Variants in ACBD5 observed in about 807,000 individuals in gnomAD.
ACBD5 encodes the protein acyl-CoA binding domain containing 5.
In ACBD5, 40 loss-of-function variants were observed where a neutral mutation model predicts 71.8. That is an observed-to-expected ratio of 0.56 (90% confidence interval 0.43 to 0.72). The LOEUF (loss-of-function observed/expected upper bound fraction) is 0.72. Among genes scored for constraint, ACBD5 ranks in the 30% least tolerant of loss-of-function variants. The pLI is 0.00. For synonymous variants in ACBD5, 229 were observed against 218.6 expected, an observed-to-expected ratio of 1.05 and a Z score of -0.42; for missense variants, 559 against 644.5, an observed-to-expected ratio of 0.87 and a Z score of 1.44.
intron 4 of ACBD5, among the ~76,000 whole-genome samples, chr10:27,228,791 TTATATA>T (rs1169917244): frequency 5.4e-3 from 120 of 22,130 alleles, no homozygotes; most frequent in African/African-American, 9.2e-3. Context: ...CCTATTATGT[TTATATA>T]TATATATATA....
At chr10:27,187,055 A>G (rs2058806019) in intron 13 of ACBD5, 1 of 180,450 alleles carries the variant, frequency 5.5e-6, no homozygotes, top group Admixed American at 5.6e-5. Flanking sequence ...TAATCCCAGC[A>G]CTGTGGGAGG....
intron 13 of ACBD5, among the ~76,000 whole-genome samples, chr10:27,184,214 AAAAT>A (rs2058499353): frequency 6.6e-6 from 1 of 152,192 alleles, no homozygotes. Flanking sequence ...ACTAGGAAGA[AAAAT>A]AAAGCAGGGT....
At chr10:27,188,246 T>TA (rs2058894827) in intron 13 of ACBD5, among the ~76,000 whole-genome samples, 1 of 152,216 alleles carries the variant, frequency 6.6e-6, no homozygotes, top group Non-Finnish European at 1.5e-5. Flanking sequence ...ATGTTCAAAA[T>TA]ACAGTTGTTC....
intron 8 of ACBD5, among the ~76,000 whole-genome samples, chr10:27,214,061 G>A (rs1403311331): frequency 6.6e-6 from 1 of 152,118 alleles, no homozygotes; most frequent in East Asian, 1.9e-4. Flanking sequence ...AAATAAGCCA[G>A]GCATAGAAAG....
rs545903323 is a variant in ACBD5 at position 27,203,734 on chromosome 10, T to G, written c.1565+706A>C. On this transcript the variant is annotated intron_variant, in intron 12 of 12. Transcript: ENST00000396271. ...AGCCTGGGCAACAAAAGCAAAACTC[T>G]GTCTCAAAAAAATAAATTAATAAAA... 2.1e-3 allele frequency among the ~76,000 whole-genome samples: 317 copies of G among 151,402 alleles called. 2 individuals are homozygous for G. Among genetic ancestry groups the G allele is most frequent in the African/African-American group, 7.0e-3 (288 of 41,244 alleles).
chr10:27,229,848 T>G (rs984768529), intron 4 of ACBD5, among the ~76,000 whole-genome samples: 1 of 152,208 alleles, frequency 6.6e-6, no homozygotes, highest in African/African-American at 2.4e-5. Context: ...AATGAAATTT[T>G]TAAAGTGTGA....
intron 9 of ACBD5, among the ~76,000 whole-genome samples, chr10:27,208,762 C>T (rs2136985144): frequency 6.6e-6 from 1 of 152,168 alleles, no homozygotes; most frequent in Middle Eastern, 3.4e-3. Context: ...TGTTTGAACC[C>T]TGGAGGCGGT....
Position 27,189,765 on chromosome 10 carries a change from T to TAAA in ACBD5, c.1494-7053_1494-7051dup, listed in dbSNP as rs926529859. Among the ~76,000 whole-genome samples, 234 of 72,256 alleles carry TAAA rather than the reference T, an allele frequency of 3.2e-3. 3 individuals are homozygous for TAAA. The South Asian group carries it at 0.042, about 13-fold the overall frequency. The allele number at this position is 72,256 out of a possible 152,430, so 47.4% of individuals were successfully genotyped here. On this transcript the variant is annotated intron_variant, in intron 13 of 13. Transcript: ENST00000676511. ...ATGTACCCTAGAACTTAAAGTATAATAAAAATATATATATATATATATAAA... is the reference window on the plus strand; with the variant it reads ...ATGTACCCTAGAACTTAAAGTATAATAAAAAAAATATATATATATATATATAAA...
At chr10:27,241,291 G>A (rs1274379088), upstream of ACBD5, among the ~76,000 whole-genome samples, 1 of 152,194 alleles carries the variant, frequency 6.6e-6, no homozygotes, top group African/African-American at 2.4e-5. Context: ...TGTGACCTAG[G>A]GCAAGTCACT....
chr10:27,230,088 A>G (rs1245836249), intron 4 of ACBD5, among the ~76,000 whole-genome samples: 1 of 106,008 alleles, frequency 9.4e-6, no homozygotes, highest in Non-Finnish European at 2.0e-5. Flanking sequence ...AATTATAAAG[A>G]AATTTAAGGT....
At chr10:27,185,918 C>T (rs962907801) in intron 13 of ACBD5, among the ~76,000 whole-genome samples, 3 of 151,804 alleles carry the variant, frequency 2.0e-5, no homozygotes, top group Non-Finnish European at 2.9e-5. Flanking sequence ...GGCGAAACCC[C>T]GTCTCTACTA....
intron 9 of ACBD5, among the ~76,000 whole-genome samples, chr10:27,209,434 T>C (rs962486691): frequency 6.6e-6 from 1 of 152,180 alleles, no homozygotes; most frequent in African/African-American, 2.4e-5. Flanking sequence ...CCGATTCTCC[T>C]ACCTCAGCCT....
At chr10:27,194,140 A>G (rs1351861932), downstream of ACBD5, among the ~76,000 whole-genome samples, 4 of 151,604 alleles carry the variant, frequency 2.6e-5, no homozygotes, top group Non-Finnish European at 1.5e-5. Flanking sequence ...AATCCCAGCT[A>G]CTCAGGAGGC....
intron 4 of ACBD5, among the ~76,000 whole-genome samples, chr10:27,227,654 T>G (rs1332572974): frequency 3.9e-5 from 6 of 152,012 alleles, no homozygotes; most frequent in African/African-American, 1.5e-4. Context: ...TGTTCTAGAG[T>G]TGTTGAGCTA....
In ACBD5 at chr10:27,240,265, G is replaced by A. The variant is rs767590999; in HGVS notation, c.181+54C>T. ...AACACTAGAACCAGAAAGTGAAAGG[G>A]GGCTTTGGGGCTCTCTGCAGGAGGC... is the stretch of plus-strand genomic sequence containing the variant. On this transcript the variant is annotated intron_variant, in intron 2 of 12. Coordinates refer to ENST00000396271, the MANE Select transcript of ACBD5 (RefSeq NM_145698.5). The surrounding 1 kb of genome is among the most constrained non-coding windows in gnomAD (Gnocchi z 4.1). The A allele has an allele frequency of 1.9e-6, 3 of 1,613,590 alleles. No homozygotes were observed. Among genetic ancestry groups the A allele is most frequent in the Non-Finnish European group, 2.5e-6 (3 of 1,180,020 alleles).
intron 5 of ACBD5, among the ~76,000 whole-genome samples, chr10:27,220,153 C>G (rs1350650364): frequency 1.3e-5 from 2 of 152,092 alleles, no homozygotes; most frequent in Non-Finnish European, 2.9e-5. Flanking sequence ...GATCTTCATA[C>G]ATGGCAAGTG....
At chr10:27,228,770 T>C (rs1186788509) in intron 4 of ACBD5, among the ~76,000 whole-genome samples, 4 of 135,462 alleles carry the variant, frequency 3.0e-5, no homozygotes, top group African/African-American at 1.0e-4. Flanking sequence ...CAATTTTCTA[T>C]AAAACATAAT....
chr10:27,191,715 C>G (rs1480725288), downstream of ACBD5, among the ~76,000 whole-genome samples: 1 of 152,132 alleles, frequency 6.6e-6, no homozygotes, highest in African/African-American at 2.4e-5. Flanking sequence ...GAAACCCCAT[C>G]TCTACCAAAA....
chr10:27,188,561 T>C (rs1048364879), intron 13 of ACBD5, among the ~76,000 whole-genome samples: 2 of 152,224 alleles, frequency 1.3e-5, no homozygotes, highest in Non-Finnish European at 2.9e-5. Context: ...GAAACATTAC[T>C]GAATAATCGG....
Sources: allele counts gnomAD v4.1 joint callset (sites outside exome capture counted in the v4.1 genomes callset), GRCh38; gene constraint gnomAD v4.1.1; non-coding constraint Gnocchi (gnomAD v3.1); transcripts MANE v1.5; gene names NCBI Gene and HGNC (gene_info 2026-07-23, HGNC 2026-07-21).